TEKT2: variants seen among roughly 807,000 people sequenced by gnomAD.
TEKT2 encodes the protein tektin-2.
TEKT2 carries 45 observed loss-of-function variants against 49.8 expected under a neutral mutation model. That is an observed-to-expected ratio of 0.90 (90% CI 0.71 to 1.16). The LOEUF (loss-of-function observed/expected upper bound fraction) is 1.16, where lower values mean the gene tolerates loss of function less well. TEKT2 is among the 50% of genes most tolerant of loss of function. The pLI is 0.00. For missense variants in TEKT2, 523 were observed against 551.4 expected (o/e 0.95, Z 0.52); for synonymous variants, 202 against 224.6 (o/e 0.90, Z 0.90).
At chr1:36,086,596 C>T in intron 4 of TEKT2, 108 bp from the exon 5 acceptor site, 1 of 1,462,344 alleles carries the variant, frequency 6.8e-7, no homozygotes, top group Non-Finnish European at 9.5e-7. Flanking sequence ...TTGTCTTCTG[C>T]TGGGAAGGGT....
chr1:36,088,212 A>G lies in TEKT2; in HGVS notation c.*26A>G. 1 of 734,520 alleles carries G rather than the reference A, an allele frequency of 1.4e-6. No homozygotes were observed. The highest frequency in any genetic ancestry group is 2.3e-6 in the Non-Finnish European group (1 of 432,050). 45.5% of individuals were successfully genotyped at this position (734,520 alleles called of 1,614,324 possible). A position where few individuals can be genotyped will look rare whatever the true frequency, so the allele number is the denominator to read the frequency against. ...CCTTGGAGGACTGCAGGAGGAGGGC[A>G]GGGTTGGGTGGGCAATGGAAGGAGG... On this transcript the variant is annotated 3_prime_UTR_variant, in exon 10 of 10. Transcript: ENST00000207457.
At chr1:36,086,468 A>G (rs1351576841) in intron 4 of TEKT2, among the ~76,000 whole-genome samples, 1 of 151,646 alleles carries the variant, frequency 6.6e-6, no homozygotes, top group African/African-American at 2.4e-5. Flanking sequence ...TCCGATTTTC[A>G]TCCTGCGGGT....
At chr1:36,085,324 C>G in intron 3 of TEKT2, 36 bp downstream of exon 3, 1 of 1,612,744 alleles carries the variant, frequency 6.2e-7, no homozygotes, top group Non-Finnish European at 8.5e-7. Context: ...GGGGCTGCTG[C>G]CGAAACCTCC....
Position 36,086,826 on chromosome 1 carries a change from AC to A in TEKT2, c.615del (p.Thr206HisfsTer28). 1 of 1,613,692 alleles carries A rather than the reference AC, an allele frequency of 6.2e-7. No individual in the cohort carries two copies. Among genetic ancestry groups the A allele is most frequent in the Middle Eastern group, 1.6e-4 (1 of 6,062 alleles). ...TCCCCAAACATCTCGCTGAAGGTTG[AC>A]CCCACACGTGTACCTGATGGGTAAG... ...LRSPNISLKV[D>X]PTRVPDGSTT... On this transcript the variant is annotated frameshift_variant, in exon 5 of 10. Coordinates refer to ENST00000207457, the MANE Select transcript of TEKT2 (RefSeq NM_014466.3). LOFTEE classifies it high-confidence loss of function.
In TEKT2 at chr1:36,084,435, A is replaced by G. The variant is rs553410095; in HGVS notation, c.-53+286A>G. On this transcript the variant is annotated intron_variant, in intron 1 of 9. Coordinates refer to ENST00000207457, the MANE Select transcript of TEKT2 (RefSeq NM_014466.3). The surrounding 1 kb of genome is among the most constrained non-coding windows in gnomAD (Gnocchi z 4.1). ...ACAGGCACGCGTCCCTGGAGACAGA[A>G]CAGGGCTCCTGCCCTTAGATCCCCC... is the stretch of plus-strand genomic sequence containing the variant. 1.2e-4 allele frequency: 25 copies of G among 213,022 alleles called. 1 individual carries two copies. The highest frequency in any genetic ancestry group is 5.8e-4 in the African/African-American group (25 of 43,440). 13.2% of individuals were successfully genotyped at this position (213,022 alleles called of 1,614,324 possible). A position where few individuals can be genotyped will look rare whatever the true frequency, so the allele number is the denominator to read the frequency against.
chr1:36,088,203 G>A lies in TEKT2; in HGVS notation c.*17G>A, dbSNP rs201150768. On this transcript the variant is annotated 3_prime_UTR_variant, in exon 10 of 10. Transcript: ENST00000207457. ...CTGGCCTAGCCTTGGAGGACTGCAGGAGGAGGGCAGGGTTGGGTGGGCAAT... is the reference window on the plus strand; with the variant it reads ...CTGGCCTAGCCTTGGAGGACTGCAGAAGGAGGGCAGGGTTGGGTGGGCAAT... The A allele has an allele frequency of 2.1e-6, 3 of 1,449,202 alleles. No homozygotes were observed. The highest frequency in any genetic ancestry group is 2.3e-5 in the East Asian group (1 of 42,844). The allele number at this position is 1,449,202 out of a possible 1,614,324, so 89.8% of individuals were successfully genotyped here.
Position 36,087,755 on chromosome 1 carries a change from C to T in TEKT2, c.1027C>T (p.His343Tyr). Reference protein sequence around the residue: ...QAQYGLTDEVHQLEATIAALK... With the variant: ...QAQYGLTDEVYQLEATIAALK... ...ACAGTACGGCCTCACCGACGAGGTT[C>T]ACCAGCTAGAGGCAACCATCGCTGC... The change falls in exon 9 of 10, where the codon CAC becomes TAC. Residue 343 changes from histidine to tyrosine, a missense_variant. Physicochemically the swap from His to Tyr is moderately conservative, Grantham distance 83. Transcript: ENST00000207457. The surrounding 1 kb of genome is among the most constrained non-coding windows in gnomAD (Gnocchi z 4.9). 6.2e-7 allele frequency: 1 copy of T among 1,613,828 alleles called. No homozygotes were observed. Among genetic ancestry groups the T allele is most frequent in the Non-Finnish European group, 8.5e-7 (1 of 1,180,018 alleles).
rs565696047 is a variant in TEKT2 at position 36,087,152 on chromosome 1, T to A, written c.748-52T>A. ...CCTGCCCCTCGCTTGAGTAATATCC[T>A]CAGGCAGCCCTGAGTGTAGACCCTC... On this transcript the variant is annotated intron_variant, in intron 6 of 9. Transcript: ENST00000207457. The surrounding 1 kb of genome is among the most constrained non-coding windows in gnomAD (Gnocchi z 4.9). 37 of 1,611,134 alleles carry A rather than the reference T, an allele frequency of 2.3e-5. No homozygotes were observed. The highest frequency in any genetic ancestry group is 5.0e-5 in the Admixed American group (3 of 59,940).
Position 36,088,131 on chromosome 1 carries a change from G to A in TEKT2, c.1238G>A (p.Arg413His), listed in dbSNP as rs112168987. Residue 413 changes from arginine (R) to histidine (H), a missense_variant, in exon 10 of 10, where the codon CGT becomes CAT. Physicochemically the swap from Arg to His is conservative, Grantham distance 29 (BLOSUM62 0). Transcript: ENST00000207457. ...GTGCCTGAGGTGGACACCTTCACAC[G>A]TACCACAAATAGCACCCTGAGTCCA... ...RFVPEVDTFT[R>H]TTNSTLSPLK... is the part of the protein sequence containing the mutation. 1.1e-5 allele frequency: 18 copies of A among 1,610,516 alleles called. No homozygotes were observed. The highest frequency in any genetic ancestry group is 1.3e-5 in the African/African-American group (1 of 74,848).
Position 36,084,961 on chromosome 1 carries a change from C to G in TEKT2, c.40C>G (p.Leu14Val), listed in dbSNP as rs760662056. The G allele has an allele frequency of 1.2e-6, 2 of 1,613,978 alleles. No homozygotes were observed. Among genetic ancestry groups the G allele is most frequent in the African/African-American group, 1.3e-5 (1 of 74,950 alleles). The change falls in exon 2 of 10, where the codon CTG becomes GTG. Residue 14 changes from leucine to valine, a missense_variant. By Grantham distance (32) the Leu-to-Val change is conservative. Transcript: ENST00000207457. The surrounding 1 kb of genome is among the most constrained non-coding windows in gnomAD (Gnocchi z 4.1). Reference sequence around the variant, plus strand: ...CGTCAAGCCAAGTCGGCGCTTCCAGCTGCCCGACTGGCACACTAACAGCTA... The same window carrying G: ...CGTCAAGCCAAGTCGGCGCTTCCAGGTGCCCGACTGGCACACTAACAGCTA... ...LSVKPSRRFQLPDWHTNSYLL... is the reference protein window; with the variant it reads ...LSVKPSRRFQVPDWHTNSYLL...
In TEKT2 at chr1:36,085,668, C is replaced by T. The variant is rs1017144028; in HGVS notation, c.283-168C>T. 24 of 713,364 alleles carry T rather than the reference C, an allele frequency of 3.4e-5. No individual in the cohort carries two copies. In the East Asian group the frequency reaches 3.8e-4, roughly 11 times the overall value. The allele number at this position is 713,364 out of a possible 1,614,324, so 44.2% of individuals were successfully genotyped here. ...TAAAGTAGCTGGGACTACAGGCGTG[C>T]GCCATCACTCCCAGCTAATTTTTGT... On this transcript the variant is annotated intron_variant, in intron 3 of 9. Transcript: ENST00000207457.
At position 36,085,523 on chromosome 1, in the gene TEKT2, T is replaced by C. The variant is rs992162042; in HGVS notation, c.282+235T>C. 1.5e-4 allele frequency among the ~76,000 whole-genome samples: 21 copies of C among 140,886 alleles called. 1 individual carries two copies. Among genetic ancestry groups the C allele is most frequent in the African/African-American group, 5.6e-4 (21 of 37,564 alleles). The allele number at this position is 140,886 out of a possible 152,430, so 92.4% of individuals were successfully genotyped here. A position where few individuals can be genotyped will look rare whatever the true frequency, so the allele number is the denominator to read the frequency against. On this transcript the variant is annotated intron_variant, in intron 3 of 9. Transcript: ENST00000207457. ...CTTTCTTTTCTTTTTTTTTTTTTTT[T>C]TTTTTTTTTGAGACAGCATCTGGAT...
At chr1:36,086,071 C>T in intron 4 of TEKT2, 30 bp downstream of exon 4, 2 of 1,553,984 alleles carry the variant, frequency 1.3e-6, no homozygotes, top group Non-Finnish European at 1.7e-6. Context: ...TCCGCATGTT[C>T]ATGGGCCCCT....
rs757106542 is a variant in TEKT2 at position 36,085,285 on chromosome 1, A to G, written c.279A>G (p.Thr93=). 2 of 1,613,922 alleles carry G rather than the reference A, an allele frequency of 1.2e-6. No homozygotes were observed. The highest frequency in any genetic ancestry group is 2.2e-5 in the East Asian group (1 of 44,874). Residue 93 remains threonine (T), a synonymous_variant, in exon 3 of 10, where the codon ACA becomes ACG. Transcript: ENST00000207457. ...TAGATGCCGAGATCGATGCCCTGACACAGGCAGGGATCCAGGACTGGGTGC... is the reference window on the plus strand; with the variant it reads ...TAGATGCCGAGATCGATGCCCTGACGCAGGCAGGGATCCAGGACTGGGTGC... ...TDLDAEIDAL[T]QMKESAEQNL...
At chr1:36,085,422 G>A in intron 3 of TEKT2, 134 bp downstream of exon 3, 1 of 1,379,388 alleles carries the variant, frequency 7.2e-7, no homozygotes, top group Non-Finnish European at 1.0e-6. Context: ...CTGCTAAAGT[G>A]GGGACAAGCG....
Position 36,087,930 on chromosome 1 carries a change from C to T in TEKT2, c.1080-43C>T. 1 of 1,594,834 alleles carries T rather than the reference C, an allele frequency of 6.3e-7. No individual in the cohort carries two copies. The highest frequency in any genetic ancestry group is 8.5e-7 in the Non-Finnish European group (1 of 1,170,622). On this transcript the variant is annotated intron_variant, in intron 9 of 9. Transcript: ENST00000207457. The surrounding 1 kb of genome is among the most constrained non-coding windows in gnomAD (Gnocchi z 4.9). ...AGGCTATGCACGCAGCCCAGGCCTC[C>T]CAGCCTCATGGGGGCTGGGGGGTTG...
In TEKT2 at chr1:36,084,589, T is replaced by G. The variant is rs772028690; in HGVS notation, c.-52-281T>G. ...GCCATCCGCCTACCCCCCAGGCATT[T>G]GGCACTTCACACACACTTCGAGGCT... is the stretch of plus-strand genomic sequence containing the variant. On this transcript the variant is annotated intron_variant, in intron 1 of 9. Transcript: ENST00000207457. The surrounding 1 kb of genome is among the most constrained non-coding windows in gnomAD (Gnocchi z 4.1). 2.3e-6 allele frequency: 1 copy of G among 443,182 alleles called. No homozygotes were observed. The highest frequency in any genetic ancestry group is 4.1e-6 in the Non-Finnish European group (1 of 241,544). The allele number at this position is 443,182 out of a possible 1,614,324, so 27.5% of individuals were successfully genotyped here. A position where few individuals can be genotyped will look rare whatever the true frequency, so the allele number is the denominator to read the frequency against.
At chr1:36,086,439 C>T (rs1424425270) in intron 4 of TEKT2, among the ~76,000 whole-genome samples, 3 of 151,826 alleles carry the variant, frequency 2.0e-5, no homozygotes, top group African/African-American at 7.3e-5. Context: ...GTGTAGGACG[C>T]GTGGGGTCAG....
At position 36,085,095 on chromosome 1, in the gene TEKT2, A is replaced by T; in HGVS notation, c.156+18A>T. 6.2e-7 allele frequency: 1 copy of T among 1,614,206 alleles called. No homozygotes were observed. On this transcript the variant is annotated intron_variant, in intron 2 of 9. Transcript: ENST00000207457. ...ACAACCAGGTTGGGGATGGGAACTC[A>T]GCTGGGTGGGCAAAGGGATAGCCCC... is the stretch of plus-strand genomic sequence containing the variant.
Sources: allele counts gnomAD v4.1 joint callset (sites outside exome capture counted in the v4.1 genomes callset), GRCh38; gene constraint gnomAD v4.1.1; non-coding constraint Gnocchi (gnomAD v3.1); transcripts MANE v1.5; gene names NCBI Gene and HGNC (gene_info 2026-07-23, HGNC 2026-07-21).